DPP6: variants seen among roughly 807,000 people sequenced by gnomAD.
The protein encoded by DPP6 is dipeptidyl peptidase like 6, also known as A-type potassium channel modulatory protein DPP6.
DPP6 carries 69 observed loss-of-function variants against 122.6 expected under a neutral mutation model. The observed-to-expected ratio is 0.56, with a 90% confidence interval of 0.46 to 0.69. The LOEUF is 0.69. Ranked by LOEUF, DPP6 falls within the 30% of genes least tolerant of loss-of-function variation. DPP6 has a pLI of 0.00. For synonymous variants in DPP6, 418 were observed against 433.1 expected (o/e 0.97, Z 0.43); for missense variants, 928 against 1,116.9 (o/e 0.83, Z 2.41).
In DPP6 at chr7:154,893,609, T is replaced by C. The variant is rs986399358; in HGVS notation, c.*1129T>C. 11 of 152,106 alleles carry C rather than the reference T, an allele frequency of 7.2e-5. No homozygotes were observed. The highest frequency in any genetic ancestry group is 2.2e-4 in the African/African-American group (9 of 41,412). The allele number at this position is 152,106 out of a possible 1,614,324, so 9.4% of individuals were successfully genotyped here. A position where few individuals can be genotyped will look rare whatever the true frequency, so the allele number is the denominator to read the frequency against. On this transcript the variant is annotated 3_prime_UTR_variant, in exon 26 of 26. Coordinates refer to ENST00000377770, the MANE Select transcript of DPP6 (RefSeq NM_130797.4). The stretch of plus-strand genomic sequence containing the variant: ...CGTGGGGGTGGCTCCGTGACCTTCC[T>C]GCCACGAGCAGGAGGTTGATGATGT...
intron 16 of DPP6, among the ~76,000 whole-genome samples, chr7:154,814,437 T>C (rs961707943): frequency 7.2e-5 from 11 of 152,128 alleles, no homozygotes; most frequent in African/African-American, 2.4e-4. Flanking sequence ...AAAGTGGCTG[T>C]GTATTCACCC....
chr7:154,087,638 G>A lies in DPP6; in HGVS notation c.243+34575G>A, dbSNP rs1333766141. 2.0e-5 allele frequency among the ~76,000 whole-genome samples: 3 copies of A among 152,178 alleles called. No homozygotes were observed. In the East Asian group the frequency reaches 5.8e-4, roughly 29 times the overall value. ...TGTCCGTCCCTAATCCAAGCCAGGA[G>A]AGAATGAAGGCTCTTAGTTTAAAAG... On this transcript the variant is annotated intron_variant, in intron 1 of 25. Coordinates refer to ENST00000377770, the MANE Select transcript of DPP6 (RefSeq NM_130797.4).
intron 2 of DPP6, among the ~76,000 whole-genome samples, chr7:154,469,095 G>A (rs576712293): frequency 6.6e-6 from 1 of 152,256 alleles, no homozygotes; most frequent in Admixed American, 6.5e-5. Context: ...AACAGAAAAG[G>A]AAAATATCAA....
chr7:154,181,679 GTTTAA>G lies in DPP6; in HGVS notation c.243+128620_243+128624del, dbSNP rs150626697. ...TTGGACCCCTTATCTCTCTGTGTGT[GTTTAA>G]TTTGTTTCTTTTGCCATTTTAAAAA... On this transcript the variant is annotated intron_variant, in intron 1 of 25. Transcript: ENST00000377770. Among the ~76,000 whole-genome samples, 136 of 150,676 alleles carry G rather than the reference GTTTAA, an allele frequency of 9.0e-4. 2 individuals are homozygous for G. The East Asian group carries it at 0.023, about 26-fold the overall frequency.
chr7:154,034,684 T>C (rs1283283580), intron 1 of DPP6, among the ~76,000 whole-genome samples: 1 of 152,182 alleles, frequency 6.6e-6, no homozygotes, highest in Non-Finnish European at 1.5e-5. Context: ...ATGGTTATTC[T>C]TTTGTGATTA....
the DPP6 span, among the ~76,000 whole-genome samples, chr7:153,822,312 C>T: frequency 5.2e-4 from 78 of 151,116 alleles, no homozygotes; most frequent in Middle Eastern, 6.8e-3. Flanking sequence ...GCTTCAGCCT[C>T]CCGAGTAGCT....
chr7:154,846,174 T>C (rs1485548068), intron 16 of DPP6, among the ~76,000 whole-genome samples: 1 of 150,466 alleles, frequency 6.6e-6, no homozygotes, highest in African/African-American at 2.4e-5. Flanking sequence ...TTTATTGAGG[T>C]AAAATATACA....
At position 154,062,295 on chromosome 7, in the gene DPP6, C is replaced by T. The variant is rs1262319399; in HGVS notation, c.243+9232C>T. Among the ~76,000 whole-genome samples the T allele has an allele frequency of 5.0e-5, 4 of 80,334 alleles. 1 individual carries two copies. The East Asian group carries it at 9.5e-4, about 19-fold the overall frequency. The allele number at this position is 80,334 out of a possible 152,430, so 52.7% of individuals were successfully genotyped here. On this transcript the variant is annotated intron_variant, in intron 1 of 25. Transcript: ENST00000377770. ...ATTACTGAGAGCCAGTCCCTCTTCC[C>T]CCCCGGCTCTGAGGACCCCCATCGC...
At chr7:153,800,560 AG>A in the DPP6 span, among the ~76,000 whole-genome samples, 36 of 152,186 alleles carry the variant, frequency 2.4e-4, no homozygotes, top group Non-Finnish European at 4.7e-4. Flanking sequence ...TCTGTTGTCC[AG>A]GCTGGAATGT....
Position 154,637,840 on chromosome 7 carries a change from C to T in DPP6, c.647C>T (p.Thr216Ile). The stretch of plus-strand genomic sequence containing the variant: ...TTGCAGATATATCAACACTCGTATA[C>T]TGGATATTACGTCCTGAGCAAAATT... The part of the protein sequence containing the change: ...NVEPIYQHSY[T>I]GYYVLSKIPH... Residue 216 changes from threonine (T) to isoleucine (I), a missense_variant, in exon 6 of 26, where the codon ACT (threonine) becomes ATT (isoleucine). Transcript: ENST00000377770. 6.3e-7 allele frequency: 1 copy of T among 1,583,212 alleles called. No individual in the cohort carries two copies. Among genetic ancestry groups the T allele is most frequent in the Non-Finnish European group, 8.6e-7 (1 of 1,162,958 alleles).
intron 5 of DPP6, among the ~76,000 whole-genome samples, chr7:154,623,653 G>GCGCACACACA (rs995367242): frequency 2.2e-5 from 3 of 134,596 alleles, no homozygotes; most frequent in African/African-American, 7.3e-5. Context: ...GCGCACACAC[G>GCGCACACACA]CGCACACACA....
At chr7:154,838,868 T>C (rs1182265234) in intron 16 of DPP6, 1 of 152,226 alleles carries the variant, frequency 6.6e-6, no homozygotes, top group Non-Finnish European at 1.5e-5. Flanking sequence ...GGAATGCCAG[T>C]GGCTCATACC....
At chr7:153,997,133 T>C (rs1797478252) in intron 1 of DPP6, among the ~76,000 whole-genome samples, 1 of 152,064 alleles carries the variant, frequency 6.6e-6, no homozygotes, top group African/African-American at 2.4e-5. Flanking sequence ...ACCATGGCAA[T>C]GAAACATGAC....
At chr7:154,054,599 C>T (rs372265019) in intron 1 of DPP6, among the ~76,000 whole-genome samples, 1 of 152,042 alleles carries the variant, frequency 6.6e-6, no homozygotes, top group Admixed American at 6.6e-5. Context: ...GCATGTCCCT[C>T]ACTTTGGTGG....
chr7:154,721,125 T>C (rs765296082), intron 7 of DPP6, among the ~76,000 whole-genome samples: 10 of 152,268 alleles, frequency 6.6e-5, no homozygotes, highest in Non-Finnish European at 1.2e-4. Context: ...TAAAGCTGTT[T>C]ATGGTCTGGT....
intron 17 of DPP6, among the ~76,000 whole-genome samples, chr7:154,866,286 A>G (rs1182589144): frequency 2.0e-5 from 3 of 152,050 alleles, no homozygotes; most frequent in East Asian, 1.9e-4. Flanking sequence ...TCATAAACCA[A>G]CTCCTCTCAC....
upstream of DPP6, among the ~76,000 whole-genome samples, chr7:154,050,453 C>T (rs1346629377): frequency 1.3e-5 from 2 of 152,034 alleles, no homozygotes; most frequent in Non-Finnish European, 2.9e-5. Context: ...ATGTATATTA[C>T]ATAAGTGGGA....
chr7:154,806,412 C>T (rs1238408931), intron 15 of DPP6, among the ~76,000 whole-genome samples: 1 of 152,210 alleles, frequency 6.6e-6, no homozygotes, highest in Non-Finnish European at 1.5e-5. Flanking sequence ...TCCCAGGTAA[C>T]ATCTTCAAGC....
Position 154,783,494 on chromosome 7 carries a change from G to A in DPP6, c.1136+10552G>A, listed in dbSNP as rs149112506. Among the ~76,000 whole-genome samples, 1,284 of 152,242 alleles carry A rather than the reference G, an allele frequency of 8.4e-3. 7 individuals carry two copies. Among genetic ancestry groups the A allele is most frequent in the Non-Finnish European group, 0.012 (799 of 68,000 alleles). On this transcript the variant is annotated intron_variant, in intron 10 of 25. Coordinates refer to ENST00000377770, the MANE Select transcript of DPP6 (RefSeq NM_130797.4). Reference sequence around the variant, plus strand: ...GTGGCGTGTGGCATTATTGCGGCTCGCTGAGCAGTGGGCAGCCATTCCCGC... The same window carrying A: ...GTGGCGTGTGGCATTATTGCGGCTCACTGAGCAGTGGGCAGCCATTCCCGC...
Sources: gnomAD v4.1 joint callset for allele counts (sites outside exome capture counted in the v4.1 genomes callset) on GRCh38, gnomAD v4.1.1 for gene constraint, MANE v1.5 for transcripts, NCBI Gene and HGNC (gene_info 2026-07-23, HGNC 2026-07-21) for gene names.